COMMD7: variants seen among roughly 807,000 people sequenced by gnomAD.
COMMD7 encodes COMM domain-containing protein 7.
COMMD7 carries 28 observed loss-of-function variants against 34.8 expected under a neutral mutation model. The observed-to-expected ratio is 0.80, with a 90% CI of 0.60 to 1.10. The LOEUF (loss-of-function observed/expected upper bound fraction) is 1.10, where lower values mean the gene tolerates loss of function less well. Ranked by LOEUF, COMMD7 falls within the 50% of genes least tolerant of loss-of-function variation. COMMD7 has a pLI of 0.00. For missense variants in COMMD7, 211 were observed against 241.6 expected, an observed-to-expected ratio of 0.87 and a Z score of 0.84; for synonymous variants, 80 against 86.4, an observed-to-expected ratio of 0.93 and a Z score of 0.41.
chr20:32,707,160 T>C (rs2048841117), intron 3 of COMMD7, among the ~76,000 whole-genome samples: 1 of 146,812 alleles, frequency 6.8e-6, no homozygotes, highest in Non-Finnish European at 1.5e-5. Flanking sequence ...GGCAGGCACC[T>C]ATAGTCCCAG....
At chr20:32,739,103 A>G (rs1986291329) in intron 1 of COMMD7, among the ~76,000 whole-genome samples, 1 of 152,300 alleles carries the variant, frequency 6.6e-6, no homozygotes, top group South Asian at 2.1e-4. Context: ...TGCTCAATAT[A>G]TTAATATCGT....
At chr20:32,718,729 T>C (rs34202361) in intron 3 of COMMD7, among the ~76,000 whole-genome samples, 24,049 of 149,088 alleles carry the variant, frequency 0.16, 2,170 homozygotes, top group East Asian at 0.4. Flanking sequence ...TAAAATAAAA[T>C]GCCAAAAAAG....
chr20:32,712,037 C>T (rs113780433), intron 3 of COMMD7, among the ~76,000 whole-genome samples: 26,905 of 151,230 alleles, frequency 0.18, 3,068 homozygotes, highest in Non-Finnish European at 0.25. Context: ...TTTGGGAGTC[C>T]GAGGTGGGCA....
chr20:32,706,948 C>T (rs185164964), intron 3 of COMMD7, among the ~76,000 whole-genome samples, 188 bp from the exon 4 acceptor site: 70 of 152,076 alleles, frequency 4.6e-4, no homozygotes, highest in Non-Finnish European at 8.5e-4. Flanking sequence ...AAAGACAGTA[C>T]ATTTTACAAT....
chr20:32,716,936 G>A (rs1292222411), intron 3 of COMMD7, among the ~76,000 whole-genome samples: 3 of 151,038 alleles, frequency 2.0e-5, no homozygotes, highest in East Asian at 1.9e-4. Flanking sequence ...TCTGCTCCCC[G>A]CCTCCCGGGT....
chr20:32,714,279 T>C (rs1984643063), intron 3 of COMMD7, among the ~76,000 whole-genome samples: 1 of 152,152 alleles, frequency 6.6e-6, no homozygotes, highest in South Asian at 2.1e-4. Flanking sequence ...TGTGTGTATG[T>C]TGCTAAAAAG....
chr20:32,703,545 T>G (rs1177106843), intron 8 of COMMD7, 87 bp from the exon 9 acceptor site: 8 of 1,528,002 alleles, frequency 5.2e-6, no homozygotes, highest in Admixed American at 4.6e-5. Context: ...GAGGATTTTT[T>G]TTTTCTTTTT....
intron 3 of COMMD7, among the ~76,000 whole-genome samples, chr20:32,720,868 A>T (rs576377134): frequency 5.3e-5 from 8 of 152,238 alleles, no homozygotes; most frequent in African/African-American, 1.4e-4. Context: ...AATTCTATTC[A>T]ATTCGCTCTG....
At chr20:32,721,251 T>C (rs2377665) in intron 3 of COMMD7, among the ~76,000 whole-genome samples, 104,033 of 151,876 alleles carry the variant, frequency 0.68, 36,371 homozygotes, top group Middle Eastern at 0.82. Flanking sequence ...GCAGGAGGAC[T>C]GCTTGGGCCC....
chr20:32,734,275 C>A (rs371790777), intron 1 of COMMD7, among the ~76,000 whole-genome samples: 1 of 151,242 alleles, frequency 6.6e-6, no homozygotes, highest in African/African-American at 2.4e-5. Context: ...GAGTTCAAGA[C>A]CAGCCTGGCC....
intron 1 of COMMD7, among the ~76,000 whole-genome samples, chr20:32,736,795 ATTTGGGAAGCCAC>A (rs1400284386): frequency 6.6e-6 from 1 of 152,108 alleles, no homozygotes; most frequent in Non-Finnish European, 1.5e-5. Flanking sequence ...AATCCCAGCA[ATTTGGGAAGCCAC>A]AGTGGGTATA....
chr20:32,706,893 A>G, intron 3 of COMMD7, 133 bp from the exon 4 acceptor site: 1 of 671,886 alleles, frequency 1.5e-6, no homozygotes, highest in Admixed American at 2.4e-5. Flanking sequence ...CCAAGATCTC[A>G]ATCCAGCCAT....
chr20:32,733,108 C>T (rs936900660), intron 1 of COMMD7, among the ~76,000 whole-genome samples: 2 of 147,818 alleles, frequency 1.4e-5, no homozygotes, highest in African/African-American at 2.5e-5. Context: ...TGGTGGCGGG[C>T]GCCTGTAATC....
chr20:32,729,874 G>C, intron 1 of COMMD7, among the ~76,000 whole-genome samples: 1 of 152,028 alleles, frequency 6.6e-6, no homozygotes, highest in Admixed American at 6.6e-5. Flanking sequence ...TTAGCCAGGC[G>C]TGGTGGCGTG....
At chr20:32,709,506 TGC>T (rs1377909274) in intron 3 of COMMD7, among the ~76,000 whole-genome samples, 2 of 151,512 alleles carry the variant, frequency 1.3e-5, no homozygotes, top group Non-Finnish European at 2.9e-5. Flanking sequence ...AGCCGAGATC[TGC>T]CACTGCACTC....
chr20:32,703,500 C>A (rs1427854275), intron 8 of COMMD7, 42 bp from the exon 9 acceptor site: 1 of 1,586,792 alleles, frequency 6.3e-7, no homozygotes, highest in African/African-American at 1.4e-5. Flanking sequence ...GTTTCCAACT[C>A]CACAGAATCA....
At chr20:32,708,575 A>C (rs1984235253) in intron 3 of COMMD7, among the ~76,000 whole-genome samples, 1 of 152,160 alleles carries the variant, frequency 6.6e-6, no homozygotes, top group Non-Finnish European at 1.5e-5. Flanking sequence ...AACTACCATG[A>C]ATACAGTGTC....
intron 1 of COMMD7, among the ~76,000 whole-genome samples, chr20:32,734,909 G>A (rs1181541633): frequency 6.6e-6 from 1 of 151,714 alleles, no homozygotes; most frequent in Non-Finnish European, 1.5e-5. Context: ...GGGCAACACA[G>A]TGAGACTCCA....
intron 1 of COMMD7, among the ~76,000 whole-genome samples, chr20:32,734,649 C>T (rs1986041404): frequency 6.6e-6 from 1 of 151,480 alleles, no homozygotes; most frequent in African/African-American, 2.4e-5. Context: ...AAAATAAGGC[C>T]AGGCACAGCG....
Sources: gnomAD v4.1 joint callset for allele counts (sites outside exome capture counted in the v4.1 genomes callset) on GRCh38, gnomAD v4.1.1 for gene constraint, MANE v1.5 for transcripts, NCBI Gene and HGNC (gene_info 2026-07-23, HGNC 2026-07-21) for gene names.